Variants in RGS6 observed in about 807,000 individuals in gnomAD.
The protein encoded by RGS6 is regulator of G protein signaling 6.
A neutral mutation model predicts 78.5 loss-of-function variants in RGS6; 30 were observed. The ratio of observed to expected loss-of-function variants is 0.38; its 90% CI spans 0.29 to 0.52. The LOEUF is 0.52. Ranked by LOEUF, RGS6 falls within the 20% of genes least tolerant of loss-of-function variation. The probability of loss-of-function intolerance (pLI) is 0.85; values close to 1 mark genes in which losing one functional copy is unlikely to be tolerated. For missense variants in RGS6, 495 were observed against 609.7 expected, an observed-to-expected ratio of 0.81 and a Z score of 1.98; for synonymous variants, 206 against 206.0, an observed-to-expected ratio of 1.00 and a Z score of 0.00.
chr14:72,030,741 A>G (rs72735992), intron 2 of RGS6, among the ~76,000 whole-genome samples: 20,620 of 152,218 alleles, frequency 0.14, 2,585 homozygotes, highest in African/African-American at 0.33. Flanking sequence ...CAATATCATT[A>G]TCTTAAAGGT....
intron 2 of RGS6, among the ~76,000 whole-genome samples, chr14:72,092,001 CTTTTGTTTTGTTTTGTTTTG>C (rs10595733): frequency 8.0e-5 from 12 of 150,776 alleles, no homozygotes; most frequent in African/African-American, 2.4e-4. Context: ...TAGCTTCAGC[CTTTTGTTTTGTTTTGTTTTG>C]TTTTGTTTTG....
chr14:72,362,727 C>T (rs1018818728), intron 3 of RGS6, among the ~76,000 whole-genome samples: 2 of 152,212 alleles, frequency 1.3e-5, no homozygotes, highest in Non-Finnish European at 2.9e-5. Flanking sequence ...TGCCACGTCA[C>T]GTTCTTCAAG....
chr14:71,982,251 G>T (rs931939328), intron 2 of RGS6, among the ~76,000 whole-genome samples: 1 of 152,140 alleles, frequency 6.6e-6, no homozygotes, highest in South Asian at 2.1e-4. Context: ...CGTCTTCTGC[G>T]TCGCTCAGGC....
At chr14:72,457,815 C>A (rs1011675559) in intron 4 of RGS6, among the ~76,000 whole-genome samples, 1 of 152,152 alleles carries the variant, frequency 6.6e-6, no homozygotes, top group Non-Finnish European at 1.5e-5. Context: ...GGGGAACGCA[C>A]TGGGAGTCCT....
chr14:71,923,822 C>A, the RGS6 span, among the ~76,000 whole-genome samples: 1 of 151,818 alleles, frequency 6.6e-6, no homozygotes, highest in Admixed American at 6.6e-5. Context: ...AATGAGGGAA[C>A]TTTTGTAGGG....
chr14:71,885,242 C>T, the RGS6 span, among the ~76,000 whole-genome samples: 215 of 152,220 alleles, frequency 1.4e-3, no homozygotes, highest in African/African-American at 4.5e-3. Flanking sequence ...ATTTCTACTC[C>T]GTCGACACTA....
intron 5 of RGS6, among the ~76,000 whole-genome samples, 193 bp downstream of exon 5, chr14:72,458,570 T>A (rs779131916): frequency 6.6e-6 from 1 of 152,196 alleles, no homozygotes; most frequent in Non-Finnish European, 1.5e-5. Context: ...AGGCTGTCAT[T>A]GAGAGCCTAC....
chr14:72,521,297 G>A (rs2097034964), intron 15 of RGS6, among the ~76,000 whole-genome samples: 5 of 152,176 alleles, frequency 3.3e-5, no homozygotes, highest in Admixed American at 3.3e-4. Flanking sequence ...TAAAAATACA[G>A]CAACAGTATG....
At chr14:72,136,372 C>T (rs988579909) in intron 2 of RGS6, among the ~76,000 whole-genome samples, 1 of 152,088 alleles carries the variant, frequency 6.6e-6, no homozygotes, top group Non-Finnish European at 1.5e-5. Flanking sequence ...TTAGTCTGCT[C>T]TCATGCTGCT....
chr14:72,164,776 G>T (rs2096902154), intron 2 of RGS6, among the ~76,000 whole-genome samples: 1 of 152,140 alleles, frequency 6.6e-6, no homozygotes, highest in Admixed American at 6.5e-5. Context: ...TTAACTAGTG[G>T]AGGTACATTT....
At chr14:72,333,264 A>G (rs2152589423) in intron 2 of RGS6, among the ~76,000 whole-genome samples, 1 of 152,332 alleles carries the variant, frequency 6.6e-6, no homozygotes, top group South Asian at 2.1e-4. Context: ...TATCAAGTCA[A>G]ATAAAGCTGT....
chr14:72,532,400 C>G (rs943583458), intron 15 of RGS6, among the ~76,000 whole-genome samples: 1 of 152,166 alleles, frequency 6.6e-6, no homozygotes, highest in African/African-American at 2.4e-5. Context: ...CTCCTTGGGC[C>G]TCTCTACTCC....
chr14:72,072,809 G>T, intron 2 of RGS6, among the ~76,000 whole-genome samples: 1 of 152,304 alleles, frequency 6.6e-6, no homozygotes, highest in East Asian at 1.9e-4. Context: ...ATATTAAGCA[G>T]CATCACATTA....
At chr14:72,002,600 C>G (rs2083686042) in intron 2 of RGS6, among the ~76,000 whole-genome samples, 1 of 87,924 alleles carries the variant, frequency 1.1e-5, no homozygotes. Flanking sequence ...GTCTTGCCAA[C>G]TTTTCAAAAA....
In RGS6 at chr14:72,160,772, G is replaced by A. The variant is rs185680228; in HGVS notation, c.85-191323G>A. Among the ~76,000 whole-genome samples, 132 of 152,210 alleles carry A rather than the reference G, an allele frequency of 8.7e-4. 1 individual carries two copies. Among genetic ancestry groups the A allele is most frequent in the African/African-American group, 2.1e-3 (89 of 41,534 alleles). ...AAAAGAGCCCTTTCAGAGACTAACC[G>A]TGCTGACACCTTGACTTTGAACTTC... is the stretch of plus-strand genomic sequence containing the variant. On this transcript the variant is annotated intron_variant, in intron 2 of 17. Coordinates refer to ENST00000553525, the MANE Select transcript of RGS6 (RefSeq NM_001204424.2).
the RGS6 span, among the ~76,000 whole-genome samples, chr14:72,592,659 T>A: frequency 6.6e-6 from 1 of 152,230 alleles, no homozygotes; most frequent in African/African-American, 2.4e-5. Context: ...ATTATTGATG[T>A]GCTGTGGGCC....
At chr14:72,488,436 C>A (rs560413553) in intron 12 of RGS6, among the ~76,000 whole-genome samples, 1 of 152,338 alleles carries the variant, frequency 6.6e-6, no homozygotes, top group South Asian at 2.1e-4. Context: ...GGGCTCTCAA[C>A]CACATTCTCC....
At chr14:72,174,528 T>G (rs1318034840) in intron 2 of RGS6, among the ~76,000 whole-genome samples, 1 of 152,188 alleles carries the variant, frequency 6.6e-6, no homozygotes, top group African/African-American at 2.4e-5. Flanking sequence ...ATTGTTTTTC[T>G]TTGAATCTCC....
chr14:72,145,117 C>T (rs1264874657), intron 2 of RGS6, among the ~76,000 whole-genome samples: 1 of 152,012 alleles, frequency 6.6e-6, no homozygotes, highest in Non-Finnish European at 1.5e-5. Flanking sequence ...CCATGGAGTG[C>T]AGAGTCTGCA....
Sources: gnomAD v4.1 joint callset for allele counts (sites outside exome capture counted in the v4.1 genomes callset) on GRCh38, gnomAD v4.1.1 for gene constraint, MANE v1.5 for transcripts, NCBI Gene and HGNC (gene_info 2026-07-23, HGNC 2026-07-21) for gene names.